MYRFL: variants seen among roughly 807,000 people sequenced by gnomAD.
MYRFL encodes the protein myelin regulatory factor-like protein.
A neutral mutation model predicts 109.4 loss-of-function variants in MYRFL; 88 were observed. That is an observed-to-expected ratio of 0.80 (90% CI 0.68 to 0.96). The LOEUF (loss-of-function observed/expected upper bound fraction) is 0.96. Among genes scored for constraint, MYRFL ranks in the 40% least tolerant of loss-of-function variants. The probability of loss-of-function intolerance (pLI) is 0.00; values close to 1 mark genes in which losing one functional copy is unlikely to be tolerated. For missense variants in MYRFL, 957 were observed against 954.9 expected, an observed-to-expected ratio of 1.00 and a Z score of -0.03; for synonymous variants, 324 against 320.9, an observed-to-expected ratio of 1.01 and a Z score of -0.10.
chr12:69,946,685 A>G (rs1955847320), intron 19 of MYRFL: 1 of 152,208 alleles, frequency 6.6e-6, no homozygotes, highest in East Asian at 1.9e-4. Context: ...CAATCACCCA[A>G]GGTTCCAAGG....
At chr12:69,865,446 C>CTT (rs1312460659) in intron 2 of MYRFL, among the ~76,000 whole-genome samples, 1 of 152,014 alleles carries the variant, frequency 6.6e-6, no homozygotes, top group East Asian at 1.9e-4. Context: ...GAGAGAGTGA[C>CTT]TTTTCTGGGT....
At chr12:69,860,070 C>T (rs888762349) in intron 2 of MYRFL, among the ~76,000 whole-genome samples, 3 of 152,132 alleles carry the variant, frequency 2.0e-5, no homozygotes, top group Non-Finnish European at 4.4e-5. Flanking sequence ...CATCCATTAG[C>T]TATTCTTCCT....
At chr12:69,849,971 TG>T (rs535607856) in intron 1 of MYRFL, among the ~76,000 whole-genome samples, 73 of 152,324 alleles carry the variant, frequency 4.8e-4, no homozygotes, top group African/African-American at 1.5e-3. Flanking sequence ...AATCTCATCT[TG>T]TAGCTCCCAT....
intron 16 of MYRFL, among the ~76,000 whole-genome samples, chr12:69,932,816 A>AT (rs898743459): frequency 2.0e-5 from 3 of 150,024 alleles, no homozygotes; most frequent in Middle Eastern, 3.5e-3. Flanking sequence ...ATGTGACATG[A>AT]TTTTTTTTCA....
At chr12:69,859,758 AG>A (rs1442775732) in intron 2 of MYRFL, among the ~76,000 whole-genome samples, 6 of 152,222 alleles carry the variant, frequency 3.9e-5, no homozygotes, top group African/African-American at 1.4e-4. Flanking sequence ...ATCATTAAAA[AG>A]TCAGGAAACA....
Position 69,880,234 on chromosome 12 carries a change from C to T in MYRFL, c.498C>T (p.Cys166=), listed in dbSNP as rs764688970. The change falls in exon 5 of 25, where the codon TGC becomes TGT. Residue 166 remains cysteine (C), a synonymous_variant. Coordinates refer to ENST00000552032, the MANE Select transcript of MYRFL (RefSeq NM_182530.3). ...TGCCTCCAACCAAGAAGAGAAAGTGCACGCAGGCACTGGAGGACTCCGGGG... is the reference window on the plus strand; with the variant it reads ...TGCCTCCAACCAAGAAGAGAAAGTGTACGCAGGCACTGGAGGACTCCGGGG... ...ASLPPTKKRK[C]TQALEDSGEC... 3.4e-5 allele frequency: 24 copies of T among 702,672 alleles called. No homozygotes were observed. The South Asian group carries it at 3.6e-4, about 10-fold the overall frequency. 43.5% of individuals were successfully genotyped at this position (702,672 alleles called of 1,614,324 possible). A position where few individuals can be genotyped will look rare whatever the true frequency, so the allele number is the denominator to read the frequency against.
intron 11 of MYRFL, among the ~76,000 whole-genome samples, chr12:69,908,047 G>T (rs761642721): frequency 4.0e-5 from 6 of 151,866 alleles, no homozygotes. Flanking sequence ...TTGCTGTCTC[G>T]GGCCTTGGTT....
At chr12:69,950,636 AAAG>A (rs1352289308) in intron 19 of MYRFL, among the ~76,000 whole-genome samples, 2 of 152,206 alleles carry the variant, frequency 1.3e-5, no homozygotes, top group Non-Finnish European at 2.9e-5. Context: ...ATCAGGATCA[AAAG>A]AAGATCAACA....
chr12:69,937,084 G>A (rs1347537272), intron 19 of MYRFL, among the ~76,000 whole-genome samples: 1 of 151,966 alleles, frequency 6.6e-6, no homozygotes, highest in East Asian at 1.9e-4. Flanking sequence ...CACAAGACTG[G>A]CATTCCACTT....
intron 15 of MYRFL, 140 bp downstream of exon 15, chr12:69,927,888 A>G: frequency 1.4e-6 from 1 of 727,658 alleles, no homozygotes; most frequent in Non-Finnish European, 2.2e-6. Flanking sequence ...ATGTGTTTAA[A>G]TATTAGCCCT....
chr12:69,942,802 A>C (rs1006630006), intron 19 of MYRFL, among the ~76,000 whole-genome samples: 1 of 151,810 alleles, frequency 6.6e-6, no homozygotes, highest in Non-Finnish European at 1.5e-5. Flanking sequence ...GTCTCAGCCC[A>C]AAATCTCCTT....
Position 69,879,016 on chromosome 12 carries a change from T to C in MYRFL, c.138-12T>C, listed in dbSNP as rs1160999944. 2 of 702,740 alleles carry C rather than the reference T, an allele frequency of 2.8e-6. No homozygotes were observed. Among genetic ancestry groups the C allele is most frequent in the Non-Finnish European group, 5.2e-6 (2 of 384,828 alleles). 43.5% of individuals were successfully genotyped at this position (702,740 alleles called of 1,614,324 possible). A position where few individuals can be genotyped will look rare whatever the true frequency, so the allele number is the denominator to read the frequency against. Reference sequence around the variant, plus strand: ...GTGAAACAAAAACGCAATGTATGTCTCTAATCTTCAGGCAACGCCAGCTCC... The same window carrying C: ...GTGAAACAAAAACGCAATGTATGTCCCTAATCTTCAGGCAACGCCAGCTCC... On this transcript the variant is annotated splice_polypyrimidine_tract_variant and intron_variant, in intron 2 of 24. Coordinates refer to ENST00000552032, the MANE Select transcript of MYRFL (RefSeq NM_182530.3).
chr12:69,900,065 C>T (rs1278561725), intron 10 of MYRFL, among the ~76,000 whole-genome samples: 1 of 152,092 alleles, frequency 6.6e-6, no homozygotes, highest in African/African-American at 2.4e-5. Flanking sequence ...GTCTGCCTTT[C>T]AAAGACACTC....
At chr12:69,850,714 T>G (rs1385945345) in intron 1 of MYRFL, among the ~76,000 whole-genome samples, 1 of 152,204 alleles carries the variant, frequency 6.6e-6, no homozygotes, top group Non-Finnish European at 1.5e-5. Context: ...TTTTCCATTT[T>G]GATCTGTAGC....
At chr12:69,842,001 C>T (rs1883272056) in intron 1 of MYRFL, among the ~76,000 whole-genome samples, 1 of 152,156 alleles carries the variant, frequency 6.6e-6, no homozygotes, top group African/African-American at 2.4e-5. Flanking sequence ...CACTGAGAGG[C>T]TAGCTAACTT....
intron 13 of MYRFL, among the ~76,000 whole-genome samples, chr12:69,921,632 TA>T (rs1954917909): frequency 6.6e-6 from 1 of 152,236 alleles, no homozygotes; most frequent in East Asian, 1.9e-4. Flanking sequence ...GATGGATCCA[TA>T]AAGTCAGAGC....
intron 8 of MYRFL, 149 bp downstream of exon 8, chr12:69,893,989 A>AT (rs60637559): frequency 0.026 from 2,932 of 113,026 alleles, 38 homozygotes; most frequent in East Asian, 0.046. Context: ...AATAATGTTA[A>AT]TTTTTTTTTT....
chr12:69,909,969 G>A lies in MYRFL; in HGVS notation c.1384G>A (p.Val462Ile). Reference protein sequence around the residue: ...DSRAKQNIQEVDTNEQLKRIA... With the variant: ...DSRAKQNIQEIDTNEQLKRIA... ...ATCTGCTCTTCTTTAATTAAATTAG[G>A]TTGACACGAATGAACAGCTGAAAAG... Residue 462 changes from valine to isoleucine, a missense_variant and splice_region_variant, in exon 12 of 25, where the codon GTT becomes ATT. Coordinates refer to ENST00000552032, the MANE Select transcript of MYRFL (RefSeq NM_182530.3). The A allele has an allele frequency of 6.6e-7, 1 of 1,522,092 alleles. No individual in the cohort carries two copies. The highest frequency in any genetic ancestry group is 1.2e-5 in the South Asian group (1 of 81,042). 94.3% of individuals were successfully genotyped at this position (1,522,092 alleles called of 1,614,324 possible).
Position 69,936,036 on chromosome 12 carries a change from T to C in MYRFL, c.1917-77T>C, listed in dbSNP as rs535095267. On this transcript the variant is annotated intron_variant, in intron 16 of 24. Transcript: ENST00000552032. ...CTGTGAGAGTACATCTCTGGCCAGC[T>C]GGATGTGTGAGATATATCTGGAAAC... 2.7e-5 allele frequency: 40 copies of C among 1,471,350 alleles called. No individual in the cohort carries two copies. In the Admixed American group the frequency reaches 8.5e-4, roughly 31 times the overall value. The allele number at this position is 1,471,350 out of a possible 1,614,324, so 91.1% of individuals were successfully genotyped here.
Sources: allele counts gnomAD v4.1 joint callset (sites outside exome capture counted in the v4.1 genomes callset), GRCh38; gene constraint gnomAD v4.1.1; transcripts MANE v1.5; gene names NCBI Gene and HGNC (gene_info 2026-07-23, HGNC 2026-07-21).